Variants in PLCD1 observed in about 807,000 individuals in gnomAD.
PLCD1 encodes the protein 1-phosphatidylinositol 4,5-bisphosphate phosphodiesterase delta-1.
A neutral mutation model predicts 87.4 loss-of-function variants in PLCD1; 71 were observed. The observed-to-expected ratio is 0.81, with a 90% CI of 0.67 to 0.99. The LOEUF (loss-of-function observed/expected upper bound fraction) is 0.99. PLCD1 is among the 50% of genes least tolerant of loss of function. The pLI is 0.00. For missense variants in PLCD1, 867 were observed against 1,001.5 expected, an observed-to-expected ratio of 0.87 and a Z score of 1.81; for synonymous variants, 348 against 399.2, an observed-to-expected ratio of 0.87 and a Z score of 1.53.
chr3:38,012,940 G>A (rs758823556), intron 3 of PLCD1, among the ~76,000 whole-genome samples: 49 of 152,140 alleles, frequency 3.2e-4, no homozygotes, highest in Non-Finnish European at 5.3e-4. Flanking sequence ...GTCTCGCTCT[G>A]TTGCCCAGGC....
intron 3 of PLCD1, among the ~76,000 whole-genome samples, chr3:38,013,211 T>A (rs1044348227): frequency 7.3e-6 from 1 of 136,986 alleles, no homozygotes; most frequent in African/African-American, 2.9e-5. Context: ...TAATTTTCTT[T>A]TTTTTTTTTT....
chr3:38,012,662 G>A (rs916093442), intron 3 of PLCD1, among the ~76,000 whole-genome samples: 2 of 151,874 alleles, frequency 1.3e-5, no homozygotes, highest in East Asian at 1.9e-4. Context: ...GATTACAGGC[G>A]TATGCTACCA....
chr3:38,016,553 C>T lies in PLCD1; in HGVS notation c.366G>A (p.Val122=), dbSNP rs72863996. 32,793 of 1,613,942 alleles carry T rather than the reference C, an allele frequency of 0.02. 557 individuals are homozygous for T. Among genetic ancestry groups the T allele is most frequent in the African/African-American group, 0.078 (5,826 of 75,006 alleles). The change falls in exon 3 of 15, where the codon GTG becomes GTA. Residue 122 remains valine (V), a synonymous_variant. Coordinates refer to ENST00000334661, the MANE Select transcript of PLCD1 (RefSeq NM_006225.4). ...GGTGGATGATCTTGTGCAGCCCCAG[C>T]ACCCAGTGCTGGGCATCAGCTGGCG... is the stretch of plus-strand genomic sequence containing the variant. ...APSPADAQHW[V]LGLHKIIHHS...
rs1575345570 is a variant in PLCD1 at position 38,008,805 on chromosome 3, C to T, written c.1724-169G>A. The stretch of plus-strand genomic sequence containing the variant: ...ACCCTCAGTGACCCACCATGCTAAC[C>T]ACACCTTCCATTCCTGGTGTGAGAA... On this transcript the variant is annotated intron_variant, in intron 11 of 14. Transcript: ENST00000334661. The T allele has an allele frequency of 5.8e-6, 4 of 693,378 alleles. No homozygotes were observed. The East Asian group carries it at 1.1e-4, about 19-fold the overall frequency. 43.0% of individuals were successfully genotyped at this position (693,378 alleles called of 1,614,324 possible). A position where few individuals can be genotyped will look rare whatever the true frequency, so the allele number is the denominator to read the frequency against.
intron 1 of PLCD1, chr3:38,024,329 C>A (rs756311504): frequency 6.2e-7 from 1 of 1,611,778 alleles, no homozygotes; most frequent in Non-Finnish European, 8.5e-7. Context: ...GTGCTCTGCG[C>A]CCCTTACCCA....
intron 8 of PLCD1, 33 bp from the exon 9 acceptor site, chr3:38,009,844 C>G (rs994173635): frequency 6.2e-7 from 1 of 1,612,672 alleles, no homozygotes; most frequent in Admixed American, 1.7e-5. Flanking sequence ...TCAAGACACA[C>G]CTAGCGCCCC....
intron 1 of PLCD1, 107 bp from the exon 2 acceptor site, chr3:38,020,459 C>T: frequency 2.0e-6 from 2 of 1,012,486 alleles, no homozygotes; most frequent in South Asian, 2.6e-5. Flanking sequence ...CCACTTTTCA[C>T]CAGCCTCATC....
chr3:38,010,221 G>A lies in PLCD1; in HGVS notation c.1047C>T (p.Asn349=). The change falls in exon 7 of 15, where the codon AAC becomes AAT. Residue 349 remains asparagine, a synonymous_variant. Coordinates refer to ENST00000334661, the MANE Select transcript of PLCD1 (RefSeq NM_006225.4). Reference sequence around the variant, plus strand: ...AGCCGTGGTAGATGATTGGTTCCTGGTTGGGCCCGTCCCAGCAGTCAAGCT... The same window carrying A: ...AGCCGTGGTAGATGATTGGTTCCTGATTGGGCCCGTCCCAGCAGTCAAGCT... The part of the protein sequence containing the change: ...CLELDCWDGP[N]QEPIIYHGYT... 1 of 1,614,198 alleles carries A rather than the reference G, an allele frequency of 6.2e-7. No homozygotes were observed. The highest frequency in any genetic ancestry group is 8.5e-7 in the Non-Finnish European group (1 of 1,180,026).
rs202132647 is a variant in PLCD1 at position 38,008,142 on chromosome 3, G to A, written c.2057C>T (p.Thr686Met). The A allele has an allele frequency of 5.5e-5, 89 of 1,613,712 alleles. No homozygotes were observed. The highest frequency in any genetic ancestry group is 1.3e-4 in the Admixed American group (8 of 59,996). The change falls in exon 14 of 15, where the codon ACG becomes ATG. Residue 686 changes from threonine to methionine, a missense_variant. Thr to Met is a moderately conservative substitution (Grantham distance 81). Coordinates refer to ENST00000334661, the MANE Select transcript of PLCD1 (RefSeq NM_006225.4). The stretch of plus-strand genomic sequence containing the variant: ...CACAACTACCTCAAACGCAAACTCC[G>A]TGTCCCACCATGGGTTGAAACCTAG... Reference protein sequence around the residue: ...TNNGFNPWWDTEFAFEVVVPD... With the variant: ...TNNGFNPWWDMEFAFEVVVPD...
chr3:38,020,891 T>C (rs530342106), intron 1 of PLCD1, among the ~76,000 whole-genome samples: 7 of 152,206 alleles, frequency 4.6e-5, no homozygotes, highest in African/African-American at 1.7e-4. Flanking sequence ...CCAGAATCAT[T>C]TGTGCCTAGG....
At position 38,025,786 on chromosome 3, in the gene PLCD1, A is replaced by G. The variant is rs534903993; in HGVS notation, c.34+3720T>C. Among the ~76,000 whole-genome samples, 1 of 152,126 alleles carries G rather than the reference A, an allele frequency of 6.6e-6. No homozygotes were observed. Among genetic ancestry groups the G allele is most frequent in the Non-Finnish European group, 1.5e-5 (1 of 68,028 alleles). ...CCCAGTAATTATTTATTGAGCCCCT[A>G]CTGTGTGCCAATGTCAGGACACCAC... On this transcript the variant is annotated intron_variant, in intron 1 of 14. Transcript: ENST00000334661. This position sits in a 1 kb window ranked among gnomAD's most constrained non-coding sequence, Gnocchi z 4.0.
In PLCD1 at chr3:38,008,652, AG is replaced by A. The variant is rs1489936304; in HGVS notation, c.1724-17del. The A allele has an allele frequency of 6.2e-7, 1 of 1,613,098 alleles. No individual in the cohort carries two copies. The highest frequency in any genetic ancestry group is 1.7e-5 in the Admixed American group (1 of 60,012). ...TTCAGGGCCACTACAGGCAGGACAGAGCAGTCACAGGCTGTGGGCTGGCCCT... is the reference window on the plus strand; with the variant it reads ...TTCAGGGCCACTACAGGCAGGACAGACAGTCACAGGCTGTGGGCTGGCCCT... On this transcript the variant is annotated splice_polypyrimidine_tract_variant and intron_variant, in intron 11 of 14. Transcript: ENST00000334661.
rs373997745 is a variant in PLCD1 at position 38,009,881 on chromosome 3, G to A, written c.1287+23C>T. On this transcript the variant is annotated intron_variant, in intron 8 of 14. Transcript: ENST00000334661. ...GCTAGGCTCCCCACCCTCCCCCAGG[G>A]ATCCCCCATCCCCACCACACACCTC... 2.0e-4 allele frequency: 318 copies of A among 1,598,182 alleles called. 1 individual carries two copies. Among genetic ancestry groups the A allele is most frequent in the Non-Finnish European group, 2.6e-4 (307 of 1,172,530 alleles).
In PLCD1 at chr3:38,025,860, G is replaced by A. The variant is rs1559379011; in HGVS notation, c.34+3646C>T. Among the ~76,000 whole-genome samples, 1 of 152,142 alleles carries A rather than the reference G, an allele frequency of 6.6e-6. No homozygotes were observed. The highest frequency in any genetic ancestry group is 1.5e-5 in the Non-Finnish European group (1 of 68,038). ...AGCCTCTGAATAGTTCCCCCAGTTC[G>A]CTTCACTGCAGCTCCAGTCACCAGC... On this transcript the variant is annotated intron_variant, in intron 1 of 14. Coordinates refer to ENST00000334661, the MANE Select transcript of PLCD1 (RefSeq NM_006225.4). The surrounding 1 kb of genome is among the most constrained non-coding windows in gnomAD (Gnocchi z 4.0).
At chr3:38,012,765 C>G (rs186545553) in intron 3 of PLCD1, among the ~76,000 whole-genome samples, 2 of 152,290 alleles carry the variant, frequency 1.3e-5, no homozygotes, top group African/African-American at 4.8e-5. Flanking sequence ...GATCCACCCG[C>G]CTTGGCCTCC....
At chr3:38,016,972 A>G (rs1397276192) in intron 2 of PLCD1, among the ~76,000 whole-genome samples, 2 of 152,120 alleles carry the variant, frequency 1.3e-5, no homozygotes, top group Non-Finnish European at 2.9e-5. Flanking sequence ...GGCACAGTGG[A>G]GACACACAGG....
intron 13 of PLCD1, 21 bp from the exon 14 acceptor site, chr3:38,008,184 T>G: frequency 1.2e-6 from 2 of 1,613,464 alleles, no homozygotes; most frequent in Middle Eastern, 1.7e-4. Flanking sequence ...AGGCACCATA[T>G]CAGCAGCATG....
Position 38,007,751 on chromosome 3 carries a change from G to GA in PLCD1, c.*21dup, listed in dbSNP as rs752732840. 6.3e-7 allele frequency: 1 copy of GA among 1,587,230 alleles called. No homozygotes were observed. The highest frequency in any genetic ancestry group is 1.1e-5 in the South Asian group (1 of 90,526). On this transcript the variant is annotated 3_prime_UTR_variant, in exon 15 of 15. Coordinates refer to ENST00000334661, the MANE Select transcript of PLCD1 (RefSeq NM_006225.4). Reference sequence around the variant, plus strand: ...CAGAGGGCCCAGCCCACTCAGGGGGGACCCCACTGGCTTCCTCCAGCCTAG... The same window carrying GA: ...CAGAGGGCCCAGCCCACTCAGGGGGGAACCCCACTGGCTTCCTCCAGCCTAG...
At chr3:38,020,398 C>T (rs1235027411) in intron 1 of PLCD1, 46 bp from the exon 2 acceptor site, 1 of 1,591,692 alleles carries the variant, frequency 6.3e-7, no homozygotes. Flanking sequence ...ACTAGTTTCC[C>T]TGATGCCCTA....
Sources: allele counts gnomAD v4.1 joint callset (sites outside exome capture counted in the v4.1 genomes callset), GRCh38; gene constraint gnomAD v4.1.1; non-coding constraint Gnocchi (gnomAD v3.1); transcripts MANE v1.5; gene names NCBI Gene and HGNC (gene_info 2026-07-23, HGNC 2026-07-21).